Variants in LOC730098 observed in about 807,000 individuals in gnomAD.
At chr9:34,665,621 C>T in the LOC730098 span, 1 of 701,458 alleles carries the variant, frequency 1.4e-6, no homozygotes, top group Non-Finnish European at 2.6e-6. Flanking sequence ...ACTCCTCCTC[C>T]GCCTCCAGCG....
the LOC730098 span, chr9:34,665,539 G>T: frequency 2.4e-6 from 1 of 416,010 alleles, no homozygotes; most frequent in Non-Finnish European, 4.2e-6. Context: ...CCCACCCCTC[G>T]CCCCCGCAGA....
chr9:34,665,555 A>G, the LOC730098 span: 1 of 264,986 alleles, frequency 3.8e-6, no homozygotes, highest in Non-Finnish European at 6.5e-6. Context: ...GCAGAACTCC[A>G]CCCTCCCCCA....
chr9:34,665,283 G>A, the LOC730098 span: 1 of 702,226 alleles, frequency 1.4e-6, no homozygotes, highest in Admixed American at 2.0e-5. Context: ...TCCATGCCCG[G>A]GGCGGGTCCG....
chr9:34,665,757 C>T, the LOC730098 span: 2 of 688,146 alleles, frequency 2.9e-6, no homozygotes, highest in East Asian at 2.7e-5. Flanking sequence ...ACGAGGCTGC[C>T]CAGTTCTCAG....
chr9:34,665,179 G>A, the LOC730098 span: 5 of 640,174 alleles, frequency 7.8e-6, no homozygotes, highest in African/African-American at 7.2e-5. Context: ...CTGCTCCCCG[G>A]GGTGCGCCGA....
the LOC730098 span, chr9:34,665,002 A>T: frequency 1.8e-6 from 1 of 551,140 alleles, no homozygotes; most frequent in Non-Finnish European, 3.2e-6. Flanking sequence ...CAGCGGCGGC[A>T]GAGTCAGGAG....
the LOC730098 span, chr9:34,665,639 G>A: frequency 2.9e-6 from 2 of 700,406 alleles, no homozygotes; most frequent in East Asian, 2.7e-5. Flanking sequence ...GCGCCACCTC[G>A]TATCTCCTCA....
the LOC730098 span, chr9:34,665,462 A>G: frequency 1.5e-6 from 1 of 687,720 alleles, no homozygotes; most frequent in South Asian, 1.5e-5. Context: ...CTCGCCGTCG[A>G]GGAAGGCTCC....
At chr9:34,665,908 G>A in the LOC730098 span, 2 of 574,190 alleles carry the variant, frequency 3.5e-6, no homozygotes, top group East Asian at 2.9e-5. Context: ...GGGCCAGGGC[G>A]AGAGGTTTGG....
the LOC730098 span, chr9:34,664,615 A>T: frequency 6.3e-6 from 1 of 157,768 alleles, no homozygotes; most frequent in African/African-American, 2.4e-5. Context: ...ACTGTAGGAA[A>T]GGTCGCCAAC....
At chr9:34,665,675 C>T in the LOC730098 span, 12 of 701,050 alleles carry the variant, frequency 1.7e-5, no homozygotes, top group East Asian at 3.2e-4. Context: ...GGGCTCCGAA[C>T]GTCTCCTGGG....
chr9:34,665,321 C>T, the LOC730098 span: 1 of 702,416 alleles, frequency 1.4e-6, no homozygotes, highest in Non-Finnish European at 2.6e-6. Context: ...CACCTCCGCT[C>T]CCTCCGCCAC....
chr9:34,665,032 G>C, the LOC730098 span: 1 of 595,294 alleles, frequency 1.7e-6, no homozygotes, highest in South Asian at 2.0e-5. Context: ...GTGGGCTTCG[G>C]TTTAAATCTT....
the LOC730098 span, chr9:34,665,499 C>T: frequency 1.9e-5 from 13 of 697,284 alleles, no homozygotes; most frequent in East Asian, 3.5e-4. Context: ...CGGCTCCCTT[C>T]GCGCCCACGC....
At chr9:34,664,666 C>T in the LOC730098 span, 1 of 178,572 alleles carries the variant, frequency 5.6e-6, no homozygotes, top group Admixed American at 6.3e-5. Context: ...TAGGAATCTC[C>T]CCCTCTTACC....
chr9:34,665,650 T>G, the LOC730098 span: 1 of 694,224 alleles, frequency 1.4e-6, no homozygotes, highest in Non-Finnish European at 2.6e-6. Context: ...TATCTCCTCA[T>G]TCCCGACATG....
chr9:34,665,577 C>T, the LOC730098 span: 1 of 700,128 alleles, frequency 1.4e-6, no homozygotes, highest in South Asian at 1.5e-5. Context: ...CCCGGAGCCG[C>T]CTGGTTCCTC....
At chr9:34,664,513 T>A in the LOC730098 span, 2,214 of 152,468 alleles carry the variant, frequency 0.015, 27 homozygotes, top group Non-Finnish European at 0.023. Context: ...CCTTGGACTC[T>A]CCTAGGGAGG....
At chr9:34,664,871 G>A in the LOC730098 span, 1 of 423,824 alleles carries the variant, frequency 2.4e-6, no homozygotes, top group Non-Finnish European at 4.2e-6. Context: ...GCCATTGATA[G>A]TAACAGGAGG....
Sources: gnomAD v4.1 joint callset for allele counts on GRCh38, gnomAD v4.1.1 for gene constraint, MANE v1.5 for transcripts.